The following DDHD1 variants were observed in gnomAD, a reference collection of about 807,000 sequenced individuals.
DDHD1 encodes phospholipase DDHD1.
Under a neutral mutation model 96.4 loss-of-function variants are expected in DDHD1, and 49 were observed. The observed-to-expected ratio is 0.51, with a 90% CI of 0.40 to 0.64. DDHD1 has a LOEUF of 0.64. Among genes scored for constraint, DDHD1 ranks in the 30% least tolerant of loss-of-function variants. The pLI is 0.00. For missense variants in DDHD1, 1,106 were observed against 1,161.2 expected (o/e 0.95, Z 0.69); for synonymous variants, 442 against 446.5 (o/e 0.99, Z 0.13).
At chr14:53,054,697 C>T (rs1053919654) in intron 10 of DDHD1, 68 bp from the exon 11 acceptor site, 1 of 1,494,194 alleles carries the variant, frequency 6.7e-7, no homozygotes, top group Admixed American at 1.8e-5. Context: ...AGAGCACCAC[C>T]CATAATTATA....
intron 12 of DDHD1, among the ~76,000 whole-genome samples, chr14:53,051,431 T>C (rs1002351590): frequency 1.3e-4 from 20 of 152,112 alleles, no homozygotes; most frequent in African/African-American, 4.6e-4. Flanking sequence ...CAACCCTAAG[T>C]GGTAAATTTA....
At chr14:53,151,040 TAGTA>T (rs1891312703) in intron 1 of DDHD1, among the ~76,000 whole-genome samples, 1 of 152,252 alleles carries the variant, frequency 6.6e-6, no homozygotes. Context: ...ATTGCTATCT[TAGTA>T]AGTCATGCTT....
chr14:53,093,361 ATGT>A lies in DDHD1; in HGVS notation c.1093_1095del (p.Thr365del). The stretch of plus-strand genomic sequence containing the variant: ...TGGGTAACTGTTCTTGCAATTTTAG[ATGT>A]TGTTGCATCACTATAAAGATATACT... On this transcript the variant is annotated inframe_deletion, in exon 3 of 13. Transcript: ENST00000673822. 6.2e-7 allele frequency: 1 copy of A among 1,612,626 alleles called. No homozygotes were observed. The highest frequency in any genetic ancestry group is 2.2e-5 in the East Asian group (1 of 44,756).
chr14:53,137,855 A>C (rs550907792), intron 1 of DDHD1, among the ~76,000 whole-genome samples: 1 of 152,296 alleles, frequency 6.6e-6, no homozygotes, highest in East Asian at 1.9e-4. Context: ...ACACATCATA[A>C]TCAAATTGCT....
At chr14:53,080,255 G>A (rs1885344990) in intron 4 of DDHD1, among the ~76,000 whole-genome samples, 1 of 152,150 alleles carries the variant, frequency 6.6e-6, no homozygotes, top group Non-Finnish European at 1.5e-5. Context: ...CAGCTATTTG[G>A]GAGGCTGAGG....
At chr14:53,057,825 G>A (rs1000529661) in intron 9 of DDHD1, among the ~76,000 whole-genome samples, 13 of 152,156 alleles carry the variant, frequency 8.5e-5, no homozygotes, top group Non-Finnish European at 1.8e-4. Flanking sequence ...TCATTAATTC[G>A]ATGGCACCTT....
chr14:53,105,988 ATG>A (rs1887661725), intron 1 of DDHD1, among the ~76,000 whole-genome samples: 1 of 150,172 alleles, frequency 6.7e-6, no homozygotes, highest in African/African-American at 2.5e-5. Flanking sequence ...GTGTGTGTGT[ATG>A]TGTGTGTGTT....
chr14:53,110,969 G>A (rs191735518), intron 1 of DDHD1, among the ~76,000 whole-genome samples: 13 of 152,248 alleles, frequency 8.5e-5, no homozygotes, highest in South Asian at 2.1e-4. Flanking sequence ...GTGACACAGC[G>A]AGAGTCCGTC....
rs570731673 is a variant in DDHD1 at position 53,045,522 on chromosome 14, C to G, written c.*1246G>C. The G allele has an allele frequency of 2.6e-5, 4 of 152,222 alleles. No individual in the cohort carries two copies. The highest frequency in any genetic ancestry group is 7.2e-5 in the African/African-American group (3 of 41,472). The allele number at this position is 152,222 out of a possible 1,614,324, so 9.4% of individuals were successfully genotyped here. A position where few individuals can be genotyped will look rare whatever the true frequency, so the allele number is the denominator to read the frequency against. ...TACAGGCGTGAACCACGGTGACTAGCTCAATCCAAGCTTTTCTGATTTCTG... is the reference window on the plus strand; with the variant it reads ...TACAGGCGTGAACCACGGTGACTAGGTCAATCCAAGCTTTTCTGATTTCTG... On this transcript the variant is annotated 3_prime_UTR_variant, in exon 13 of 13. Transcript: ENST00000673822.
chr14:53,054,295 G>T, intron 11 of DDHD1, 143 bp downstream of exon 11: 1 of 668,954 alleles, frequency 1.5e-6, no homozygotes, highest in Non-Finnish European at 2.4e-6. Context: ...ATAAGCAGAA[G>T]GAAAGCATTT....
chr14:53,046,610 T>C lies in DDHD1; in HGVS notation c.*158A>G, dbSNP rs939979883. The C allele has an allele frequency of 2.3e-6, 1 of 443,674 alleles. No homozygotes were observed. Among genetic ancestry groups the C allele is most frequent in the East Asian group, 3.5e-5 (1 of 28,190 alleles). 27.5% of individuals were successfully genotyped at this position (443,674 alleles called of 1,614,324 possible). ...AATGACTTCTTCAGAACTGAAAACT[T>C]CTTTTTTTTTTAAATAAAGTGCTTT... is the stretch of plus-strand genomic sequence containing the variant. On this transcript the variant is annotated 3_prime_UTR_variant, in exon 13 of 13. Transcript: ENST00000673822.
intron 1 of DDHD1, among the ~76,000 whole-genome samples, chr14:53,123,841 G>A (rs1417045538): frequency 6.6e-6 from 1 of 152,202 alleles, no homozygotes; most frequent in African/African-American, 2.4e-5. Flanking sequence ...GTAGGTGAAA[G>A]AGATGCTGAT....
chr14:53,084,128 C>T (rs1959350), intron 4 of DDHD1, among the ~76,000 whole-genome samples: 119,242 of 152,160 alleles, frequency 0.78, 47,758 homozygotes, highest in East Asian at 0.98. Flanking sequence ...AGCTAATGCA[C>T]AGACTAGCTG....
At chr14:53,066,183 G>A (rs368643549) in intron 6 of DDHD1, among the ~76,000 whole-genome samples, 9 of 152,014 alleles carry the variant, frequency 5.9e-5, no homozygotes, top group Admixed American at 1.3e-4. Context: ...ATGGAATTTC[G>A]TTCTGTTGCC....
At chr14:53,102,836 A>G (rs1887408540) in intron 2 of DDHD1, among the ~76,000 whole-genome samples, 1 of 151,982 alleles carries the variant, frequency 6.6e-6, no homozygotes, top group African/African-American at 2.4e-5. Flanking sequence ...CACCTGATCA[A>G]TATTGAGTTT....
chr14:53,122,882 T>C lies in DDHD1; in HGVS notation c.839-19026A>G, dbSNP rs569592975. 2.6e-5 allele frequency among the ~76,000 whole-genome samples: 4 copies of C among 152,080 alleles called. No individual in the cohort carries two copies. The East Asian group carries it at 7.7e-4, about 29-fold the overall frequency. On this transcript the variant is annotated intron_variant, in intron 1 of 12. Coordinates refer to ENST00000673822, the MANE Select transcript of DDHD1 (RefSeq NM_001160148.2). ...GTGCCTGGCCAGTAATTCTTTATGT[T>C]ATACTCTCTCTGTTGAAATTAAGAG...
intron 8 of DDHD1, 68 bp from the exon 9 acceptor site, chr14:53,058,694 T>A: frequency 7.1e-7 from 1 of 1,415,282 alleles, no homozygotes; most frequent in South Asian, 1.3e-5. Context: ...AATTTGGGCA[T>A]AACGTAATAT....
chr14:53,136,678 A>G (rs1890263309), intron 1 of DDHD1, among the ~76,000 whole-genome samples: 1 of 152,148 alleles, frequency 6.6e-6, no homozygotes, highest in African/African-American at 2.4e-5. Flanking sequence ...GAATATAAAA[A>G]CCTAATCCAA....
chr14:53,079,322 T>A (rs116956550), intron 4 of DDHD1, among the ~76,000 whole-genome samples: 1 of 152,118 alleles, frequency 6.6e-6, no homozygotes, highest in Non-Finnish European at 1.5e-5. Context: ...GATCTTACTA[T>A]GTGGCCCAGG....
Sources: gnomAD v4.1 joint callset for allele counts (sites outside exome capture counted in the v4.1 genomes callset) on GRCh38, gnomAD v4.1.1 for gene constraint, MANE v1.5 for transcripts, NCBI Gene and HGNC (gene_info 2026-07-23, HGNC 2026-07-21) for gene names.